The following SATB2 variants were observed in gnomAD, a reference collection of about 807,000 sequenced individuals.
The protein encoded by SATB2 is SATB homeobox 2.
A neutral mutation model predicts 73.4 loss-of-function variants in SATB2; 1 was observed. The observed-to-expected ratio is 0.01, with a 90% confidence interval of 0.00 to 0.06. The LOEUF (loss-of-function observed/expected upper bound fraction) is 0.06. Among genes scored for constraint, SATB2 ranks in the 10% least tolerant of loss-of-function variants. The pLI is 1.00. For missense variants in SATB2, 459 were observed against 945.8 expected, an observed-to-expected ratio of 0.49 and a Z score of 6.75; for synonymous variants, 397 against 367.0, an observed-to-expected ratio of 1.08 and a Z score of -0.93.
At chr2:199,281,475 A>C (rs1692492792) in intron 10 of SATB2, among the ~76,000 whole-genome samples, 1 of 51,844 alleles carries the variant, frequency 1.9e-5, no homozygotes, top group African/African-American at 5.1e-5. Context: ...AGATGATATG[A>C]GATATATACA....
At chr2:199,456,122 G>A (rs1692267029) in intron 1 of SATB2, 26 bp from the exon 2 acceptor site, 9 of 1,022,084 alleles carry the variant, frequency 8.8e-6, no homozygotes, top group Admixed American at 8.2e-5. Context: ...GGGGAGGAAG[G>A]GGGAGGGAGA....
chr2:199,290,427 G>A (rs1046096523), intron 10 of SATB2, among the ~76,000 whole-genome samples: 13 of 152,004 alleles, frequency 8.6e-5, no homozygotes, highest in African/African-American at 2.9e-4. Flanking sequence ...GAATATATAC[G>A]TCTACACAGG....
In SATB2 at chr2:199,301,530, A is replaced by C. The variant is rs149465822; in HGVS notation, c.1740+7230T>G. ...CAACAAAGCTCTTTCTTCAAAATGC[A>C]ATGCCTTCCAAATTAGGCATTCAGA... On this transcript the variant is annotated intron_variant, in intron 10 of 10. Transcript: ENST00000417098. Among the ~76,000 whole-genome samples, 6 of 152,324 alleles carry C rather than the reference A, an allele frequency of 3.9e-5. No homozygotes were observed. The East Asian group carries it at 5.8e-4, about 15-fold the overall frequency.
rs186576096 is a variant in SATB2 at position 199,450,788 on chromosome 2, T to C, written c.169+5081A>G. The stretch of plus-strand genomic sequence containing the variant: ...ATTATAACCATCAAACTTCACTGCT[T>C]ACTACTTTGTCAGATATACCAAATA... On this transcript the variant is annotated intron_variant, in intron 2 of 10. Coordinates refer to ENST00000417098, the MANE Select transcript of SATB2 (RefSeq NM_001172509.2). Among the ~76,000 whole-genome samples the C allele has an allele frequency of 2.1e-3, 320 of 152,220 alleles. 2 individuals carry two copies. Among genetic ancestry groups the C allele is most frequent in the African/African-American group, 7.2e-3 (299 of 41,564 alleles).
intron 6 of SATB2, among the ~76,000 whole-genome samples, chr2:199,360,373 C>T (rs1689100833): frequency 6.6e-6 from 1 of 152,098 alleles, no homozygotes; most frequent in Non-Finnish European, 1.5e-5. Flanking sequence ...ATCTAAAGCA[C>T]ACTCCCTCCT....
At chr2:199,327,143 A>G (rs923345836) in intron 8 of SATB2, among the ~76,000 whole-genome samples, 1 of 152,300 alleles carries the variant, frequency 6.6e-6, no homozygotes, top group East Asian at 1.9e-4. Flanking sequence ...GCTTTGTATA[A>G]ATGTATATCC....
intron 7 of SATB2, among the ~76,000 whole-genome samples, chr2:199,334,622 T>C (rs1030600042): frequency 6.6e-6 from 1 of 152,142 alleles, no homozygotes; most frequent in Non-Finnish European, 1.5e-5. Context: ...TCACCCCTTT[T>C]GTATGCTTGC....
intron 7 of SATB2, among the ~76,000 whole-genome samples, chr2:199,343,642 G>C (rs1263249183): frequency 6.6e-6 from 1 of 152,160 alleles, no homozygotes; most frequent in Non-Finnish European, 1.5e-5. Context: ...CATCTACCTT[G>C]ATTAGGTTGG....
intron 2 of SATB2, among the ~76,000 whole-genome samples, chr2:199,437,027 G>T (rs992852249): frequency 2.6e-5 from 4 of 152,012 alleles, no homozygotes; most frequent in Admixed American, 6.6e-5. Flanking sequence ...TCCAATAAAA[G>T]AATAAAAATG....
chr2:199,442,319 G>A (rs932221304), intron 2 of SATB2, among the ~76,000 whole-genome samples: 6 of 152,112 alleles, frequency 3.9e-5, no homozygotes, highest in Admixed American at 1.3e-4. Flanking sequence ...TGTTGTCCAG[G>A]GGATGTTGGC....
At chr2:199,343,892 C>G (rs1688576780) in intron 7 of SATB2, among the ~76,000 whole-genome samples, 2 of 152,086 alleles carry the variant, frequency 1.3e-5, no homozygotes, top group Admixed American at 6.5e-5. Context: ...TCAATTAGAC[C>G]TTTTATAACT....
chr2:199,310,025 G>A (rs574755781), intron 9 of SATB2, among the ~76,000 whole-genome samples: 1 of 152,184 alleles, frequency 6.6e-6, no homozygotes, highest in East Asian at 1.9e-4. Flanking sequence ...CCCAAAAAAG[G>A]CAAGATTTGA....
chr2:199,365,920 A>C (rs1689269720), intron 6 of SATB2, among the ~76,000 whole-genome samples: 1 of 151,936 alleles, frequency 6.6e-6, no homozygotes, highest in African/African-American at 2.4e-5. Flanking sequence ...GACCTAGGAG[A>C]TCTATATGTG....
chr2:199,328,280 C>A (rs1412806153), intron 8 of SATB2, among the ~76,000 whole-genome samples: 1 of 152,172 alleles, frequency 6.6e-6, no homozygotes, highest in Non-Finnish European at 1.5e-5. Context: ...GTGGCTCACG[C>A]CTGTAATCCC....
At chr2:199,406,139 T>G (rs1458724860) in intron 3 of SATB2, among the ~76,000 whole-genome samples, 1 of 152,202 alleles carries the variant, frequency 6.6e-6, no homozygotes, top group Non-Finnish European at 1.5e-5. Context: ...CCCTTTTATG[T>G]AAGATGGACT....
chr2:199,430,640 C>A (rs1217580548), intron 3 of SATB2, among the ~76,000 whole-genome samples: 2 of 152,138 alleles, frequency 1.3e-5, no homozygotes, highest in Non-Finnish European at 2.9e-5. Flanking sequence ...CCCTAAACTC[C>A]ATTTTAGTAG....
At chr2:199,299,966 T>C (rs1687231953) in intron 10 of SATB2, among the ~76,000 whole-genome samples, 1 of 152,090 alleles carries the variant, frequency 6.6e-6, no homozygotes, top group Non-Finnish European at 1.5e-5. Flanking sequence ...ATTGTTGTTG[T>C]TTTTTGTGGG....
intron 2 of SATB2, among the ~76,000 whole-genome samples, chr2:199,437,191 T>C (rs1031594454): frequency 2.0e-5 from 3 of 152,222 alleles, no homozygotes; most frequent in Non-Finnish European, 4.4e-5. Flanking sequence ...TTGAACCTTC[T>C]GATCATAAGC....
At chr2:199,350,000 T>A (rs991109897) in intron 6 of SATB2, among the ~76,000 whole-genome samples, 1 of 152,174 alleles carries the variant, frequency 6.6e-6, no homozygotes, top group Non-Finnish European at 1.5e-5. Flanking sequence ...CAAATCCTTA[T>A]CCAAGTCTCT....
Sources: allele counts gnomAD v4.1 joint callset (sites outside exome capture counted in the v4.1 genomes callset), GRCh38; gene constraint gnomAD v4.1.1; transcripts MANE v1.5; gene names NCBI Gene and HGNC (gene_info 2026-07-23, HGNC 2026-07-21).